The following CCDC47 variants were observed in gnomAD, a reference collection of about 807,000 sequenced individuals.
CCDC47 encodes coiled-coil domain containing 47, also known as PAT complex subunit CCDC47.
CCDC47 carries 41 observed loss-of-function variants against 60.5 expected under a neutral mutation model. That is an observed-to-expected ratio of 0.68 (90% confidence interval 0.53 to 0.88). The LOEUF (loss-of-function observed/expected upper bound fraction) is 0.88, where lower values mean the gene tolerates loss of function less well. CCDC47 is among the 40% of genes least tolerant of loss of function. The probability of loss-of-function intolerance (pLI) is 0.00; values close to 1 mark genes in which losing one functional copy is unlikely to be tolerated. For synonymous variants in CCDC47, 195 were observed against 190.7 expected (o/e 1.02, Z -0.18); for missense variants, 513 against 580.9 (o/e 0.88, Z 1.20).
At chr17:63,768,271 C>T (rs2039311204) in intron 1 of CCDC47, among the ~76,000 whole-genome samples, 1 of 152,170 alleles carries the variant, frequency 6.6e-6, no homozygotes, top group Non-Finnish European at 1.5e-5. Flanking sequence ...CTGAACTGAA[C>T]ATAAATTTGC....
chr17:63,756,593 A>T (rs1383837972), intron 6 of CCDC47, 23 bp from the exon 7 acceptor site: 1 of 1,545,242 alleles, frequency 6.5e-7, no homozygotes, highest in Middle Eastern at 1.7e-4. Context: ...TGTAAAAAAC[A>T]ACAAAATTCA....
chr17:63,746,527 C>T lies in CCDC47; in HGVS notation c.*354G>A. 1 of 177,682 alleles carries T rather than the reference C, an allele frequency of 5.6e-6. No homozygotes were observed. Among genetic ancestry groups the T allele is most frequent in the Non-Finnish European group, 1.2e-5 (1 of 83,836 alleles). The allele number at this position is 177,682 out of a possible 1,614,324, so 11.0% of individuals were successfully genotyped here. A position where few individuals can be genotyped will look rare whatever the true frequency, so the allele number is the denominator to read the frequency against. On this transcript the variant is annotated 3_prime_UTR_variant, in exon 13 of 13. Coordinates refer to ENST00000225726, the MANE Select transcript of CCDC47 (RefSeq NM_020198.3). ...AAAAAGCAACAATCTGGTTATCTAC[C>T]TATAAATTTCACGGTATTTCTTTAA...
At chr17:63,772,250 GTTT>G (rs34509265) in intron 1 of CCDC47, among the ~76,000 whole-genome samples, 1 of 90,528 alleles carries the variant, frequency 1.1e-5, no homozygotes, top group Non-Finnish European at 2.0e-5. Flanking sequence ...TGTACCAAGG[GTTT>G]TTTTTTTTTT....
chr17:63,752,370 T>C lies in CCDC47; in HGVS notation c.1153A>G (p.Met385Val). The C allele has an allele frequency of 1.2e-6, 2 of 1,614,058 alleles. No homozygotes were observed. The highest frequency in any genetic ancestry group is 1.7e-6 in the Non-Finnish European group (2 of 1,179,948). The change falls in exon 11 of 13, where the codon ATG becomes GTG. Residue 385 changes from methionine (M) to valine (V), a missense_variant. Transcript: ENST00000225726. ...DMEALLPLMNMVIYSIDKAKK... is the reference protein window; with the variant it reads ...DMEALLPLMNVVIYSIDKAKK... ...GCTTTATCAATAGAATAAATCACCA[T>C]GTTCATCAGGGGTAGCAGTGCCTCC...
chr17:63,766,492 T>C (rs2039299127), intron 1 of CCDC47, among the ~76,000 whole-genome samples: 1 of 152,058 alleles, frequency 6.6e-6, no homozygotes, highest in African/African-American at 2.4e-5. Context: ...GGTGTGATCT[T>C]GGCTCACTGC....
chr17:63,771,037 G>GAAAGAAAGAAAGAAAGAAAGAAAGAAAGT (rs1568253168), intron 1 of CCDC47, among the ~76,000 whole-genome samples: 1 of 54,690 alleles, frequency 1.8e-5, no homozygotes, highest in African/African-American at 6.0e-5. Context: ...AGGAAGGAAG[G>GAAAGAAAGAAAGAAAGAAAGAAAGAAAGT]AAGGAAGGAA....
chr17:63,769,654 AC>A (rs1454301378), intron 1 of CCDC47, among the ~76,000 whole-genome samples: 18 of 151,960 alleles, frequency 1.2e-4, no homozygotes, highest in Admixed American at 7.9e-4. Context: ...GAAAAAGAAA[AC>A]AAAAAAGTTT....
At chr17:63,753,137 G>A (rs2039180094) in intron 9 of CCDC47, 1 of 435,372 alleles carries the variant, frequency 2.3e-6, no homozygotes, top group African/African-American at 2.1e-5. Context: ...TGCTTATTTT[G>A]ATGCATTTTT....
At chr17:63,755,557 C>G (rs1047157886) in intron 8 of CCDC47, among the ~76,000 whole-genome samples, 3 of 151,252 alleles carry the variant, frequency 2.0e-5, no homozygotes, top group Admixed American at 2.0e-4. Context: ...AAATAATGGT[C>G]GAAACAAGAA....
In CCDC47 at chr17:63,761,221, C is replaced by G; in HGVS notation, c.669+9G>C. The G allele has an allele frequency of 6.2e-7, 1 of 1,614,074 alleles. No homozygotes were observed. Among genetic ancestry groups the G allele is most frequent in the Non-Finnish European group, 8.5e-7 (1 of 1,179,990 alleles). ...AAGATATATATCGTACAAGAAGTTT[C>G]CTACTTACCCTCAGCTGGATAAGCA... On this transcript the variant is annotated intron_variant, in intron 5 of 12. Transcript: ENST00000225726.
At chr17:63,756,690 G>A in intron 6 of CCDC47, 120 bp from the exon 7 acceptor site, 1 of 663,802 alleles carries the variant, frequency 1.5e-6, no homozygotes, top group Non-Finnish European at 2.6e-6. Context: ...TTAAGTGATT[G>A]GGATTTGCAA....
At chr17:63,750,497 G>A (rs999488890) in intron 12 of CCDC47, among the ~76,000 whole-genome samples, 5 of 152,108 alleles carry the variant, frequency 3.3e-5, no homozygotes, top group East Asian at 1.9e-4. Flanking sequence ...ACATTTTCTT[G>A]GACACGTGAC....
chr17:63,747,067 A>G, intron 12 of CCDC47, 106 bp from the exon 13 acceptor site: 25 of 1,481,670 alleles, frequency 1.7e-5, no homozygotes, highest in Non-Finnish European at 2.2e-5. Flanking sequence ...AATACTGCCT[A>G]TAGTATTATT....
chr17:63,759,506 A>T lies in CCDC47; in HGVS notation c.735+1408T>A, dbSNP rs1291131570. Among the ~76,000 whole-genome samples, 30 of 24,466 alleles carry T rather than the reference A, an allele frequency of 1.2e-3. 5 individuals are homozygous for T. Among genetic ancestry groups the T allele is most frequent in the Admixed American group, 2.1e-3 (4 of 1,878 alleles). The allele number at this position is 24,466 out of a possible 152,430, so 16.1% of individuals were successfully genotyped here. On this transcript the variant is annotated intron_variant, in intron 6 of 12. Transcript: ENST00000225726. Reference sequence around the variant, plus strand: ...TCTGTCTCCCAAAAAAAAAAAAAAAAAAATATATATATATATATATTTATA... The same window carrying T: ...TCTGTCTCCCAAAAAAAAAAAAAAATAAATATATATATATATATATTTATA...
intron 4 of CCDC47, among the ~76,000 whole-genome samples, chr17:63,762,934 T>G (rs149411729): frequency 6.6e-6 from 1 of 152,200 alleles, no homozygotes; most frequent in African/African-American, 2.4e-5. Context: ...TATATTCTTA[T>G]TTTTAGAAAC....
At chr17:63,755,531 CT>C (rs2039199288) in intron 8 of CCDC47, 1 of 150,704 alleles carries the variant, frequency 6.6e-6, no homozygotes, top group Admixed American at 6.6e-5. Flanking sequence ...TTTCGAGCAG[CT>C]AAAAATATTT....
Position 63,764,017 on chromosome 17 carries a change from C to G in CCDC47, c.546G>C (p.Val182=), listed in dbSNP as rs774149269. 1.3e-6 allele frequency: 2 copies of G among 1,586,116 alleles called. No homozygotes were observed. Among genetic ancestry groups the G allele is most frequent in the Non-Finnish European group, 1.7e-6 (2 of 1,170,562 alleles). ...TGGGCTGACATTGGCCTCACTTACC[C>G]ACTAAAGTAAAGTTGCTCTCCAAAA... is the stretch of plus-strand genomic sequence containing the variant. ...RELLESNFTL[V]GDDGTNKEAT... Residue 182 remains valine (V), a splice_region_variant and synonymous_variant, in exon 4 of 13, where the codon GTG becomes GTC. Coordinates refer to ENST00000225726, the MANE Select transcript of CCDC47 (RefSeq NM_020198.3).
intron 9 of CCDC47, 51 bp from the exon 10 acceptor site, chr17:63,752,850 C>T (rs781384231): frequency 6.3e-7 from 1 of 1,590,172 alleles, no homozygotes; most frequent in Admixed American, 1.8e-5. Flanking sequence ...AGATGTTTTC[C>T]ATGTACACAA....
At chr17:63,754,779 A>T (rs1458710979) in intron 8 of CCDC47, among the ~76,000 whole-genome samples, 1 of 151,518 alleles carries the variant, frequency 6.6e-6, no homozygotes, top group Non-Finnish European at 1.5e-5. Flanking sequence ...GCTATCCAAG[A>T]GGCTGAGGCA....
Sources: gnomAD v4.1 joint callset for allele counts (sites outside exome capture counted in the v4.1 genomes callset) on GRCh38, gnomAD v4.1.1 for gene constraint, MANE v1.5 for transcripts, NCBI Gene and HGNC (gene_info 2026-07-23, HGNC 2026-07-21) for gene names.